Variants in PDZD2 observed in about 807,000 individuals in gnomAD.
The protein encoded by PDZD2 is PDZ domain containing 2.
A neutral mutation model predicts 220.7 loss-of-function variants in PDZD2; 90 were observed. The ratio of observed to expected loss-of-function variants is 0.41; its 90% CI spans 0.34 to 0.49. PDZD2 has a LOEUF of 0.49. Ranked by LOEUF, PDZD2 falls within the 20% of genes least tolerant of loss-of-function variation. The pLI is 0.28. For missense variants in PDZD2, 3,174 were observed against 3,608.5 expected, an observed-to-expected ratio of 0.88 and a Z score of 3.08; for synonymous variants, 1,375 against 1,450.5, an observed-to-expected ratio of 0.95 and a Z score of 1.18.
In PDZD2 at chr5:31,829,316, A is replaced by C. The variant is rs146388531; in HGVS notation, c.476+29592A>C. Among the ~76,000 whole-genome samples the C allele has an allele frequency of 8.1e-3, 1,206 of 149,134 alleles. 17 individuals are homozygous for C. Among genetic ancestry groups the C allele is most frequent in the African/African-American group, 0.027 (1,092 of 40,618 alleles). On this transcript the variant is annotated intron_variant, in intron 2 of 24. Coordinates refer to ENST00000438447, the MANE Select transcript of PDZD2 (RefSeq NM_178140.4). ...GATATACGTAAAGGCACATATCAAA[A>C]GTATTCAGCTTAGTGAATTTTTTTT...
intron 1 of PDZD2, among the ~76,000 whole-genome samples, chr5:31,706,071 CA>C (rs1747809392): frequency 6.6e-6 from 1 of 152,072 alleles, no homozygotes. Context: ...ACACCACCAC[CA>C]AAAATCCTCT....
intron 1 of PDZD2, among the ~76,000 whole-genome samples, chr5:31,795,764 G>T (rs927960572): frequency 1.3e-5 from 2 of 152,114 alleles, no homozygotes; most frequent in Non-Finnish European, 2.9e-5. Context: ...AAATCATCGC[G>T]AGTGGATATT....
At chr5:31,921,085 A>T (rs1331332700) in intron 2 of PDZD2, among the ~76,000 whole-genome samples, 2 of 152,020 alleles carry the variant, frequency 1.3e-5, no homozygotes, top group African/African-American at 4.8e-5. Context: ...CTGTGTGCTC[A>T]CTGTCTTTTC....
At chr5:32,106,636 T>C (rs1744790472) in intron 24 of PDZD2, 1 of 152,222 alleles carries the variant, frequency 6.6e-6, no homozygotes, top group South Asian at 2.1e-4. Flanking sequence ...TCAGTGTGCG[T>C]CAGGCTGTTC....
chr5:31,867,411 G>A (rs1738324955), intron 2 of PDZD2, among the ~76,000 whole-genome samples: 1 of 152,160 alleles, frequency 6.6e-6, no homozygotes, highest in South Asian at 2.1e-4. Context: ...TTAGTTAAAA[G>A]TTGTGTGGTT....
At chr5:31,908,969 C>T in intron 2 of PDZD2, 1 of 322,388 alleles carries the variant, frequency 3.1e-6, no homozygotes, top group South Asian at 3.0e-5. Context: ...ATTGCTGAAC[C>T]CGGGAGGCGG....
intron 1 of PDZD2, among the ~76,000 whole-genome samples, chr5:31,798,053 C>A (rs1754149773): frequency 1.3e-5 from 2 of 152,028 alleles, no homozygotes; most frequent in South Asian, 4.2e-4. Flanking sequence ...TAATATGTAC[C>A]AGGCACCGTG....
At chr5:31,984,570 G>A (rs1044933625) in intron 3 of PDZD2, among the ~76,000 whole-genome samples, 3 of 151,984 alleles carry the variant, frequency 2.0e-5, no homozygotes, top group South Asian at 4.1e-4. Context: ...GGCCAGGCGC[G>A]GCAGCTTGTG....
chr5:31,753,582 C>T (rs972614664), intron 1 of PDZD2, among the ~76,000 whole-genome samples: 1 of 150,906 alleles, frequency 6.6e-6, no homozygotes, highest in South Asian at 2.1e-4. Flanking sequence ...GCCTGGGCAA[C>T]AGAGTGAGAC....
chr5:31,864,947 C>G (rs1437260706), intron 2 of PDZD2, among the ~76,000 whole-genome samples: 2 of 126,488 alleles, frequency 1.6e-5, no homozygotes. Context: ...CTCCTGGGTT[C>G]ATGCTGTTCT....
chr5:32,014,718 T>C lies in PDZD2; in HGVS notation c.1407+4236T>C, dbSNP rs1240272537. Among the ~76,000 whole-genome samples, 11 of 135,576 alleles carry C rather than the reference T, an allele frequency of 8.1e-5. 1 individual carries two copies. Among genetic ancestry groups the C allele is most frequent in the East Asian group, 4.1e-4 (2 of 4,850 alleles). 88.9% of individuals were successfully genotyped at this position (135,576 alleles called of 152,430 possible). A position where few individuals can be genotyped will look rare whatever the true frequency, so the allele number is the denominator to read the frequency against. ...GCAATGACAATTTCTTTTTTTTTTT[T>C]TTTTTTTTTTTTTTTTGAGATGGAG... On this transcript the variant is annotated intron_variant, in intron 6 of 24. Coordinates refer to ENST00000438447, the MANE Select transcript of PDZD2 (RefSeq NM_178140.4).
intron 1 of PDZD2, among the ~76,000 whole-genome samples, chr5:31,745,077 AAAAT>A (rs559349013): frequency 1.3e-5 from 2 of 152,018 alleles, no homozygotes; most frequent in Non-Finnish European, 2.9e-5. Context: ...CGTCTCAAAA[AAAAT>A]AAATAAATAA....
chr5:32,007,528 C>A (rs1752927797), intron 5 of PDZD2, among the ~76,000 whole-genome samples: 1 of 152,024 alleles, frequency 6.6e-6, no homozygotes, highest in African/African-American at 2.4e-5. Context: ...TTCAAATTAT[C>A]TTCAGGTACT....
intron 1 of PDZD2, among the ~76,000 whole-genome samples, chr5:31,702,788 G>C (rs1191483218): frequency 6.6e-6 from 1 of 152,206 alleles, no homozygotes; most frequent in East Asian, 1.9e-4. Flanking sequence ...TTCCCTGGTT[G>C]ATAGTGTGTT....
At chr5:31,853,840 G>A (rs912162762) in intron 2 of PDZD2, among the ~76,000 whole-genome samples, 5 of 152,128 alleles carry the variant, frequency 3.3e-5, no homozygotes, top group African/African-American at 1.2e-4. Flanking sequence ...TGCAAGTCCC[G>A]GGAGGGAGGC....
intron 8 of PDZD2, chr5:32,052,401 C>T: frequency 2.2e-6 from 1 of 454,762 alleles, no homozygotes; most frequent in Non-Finnish European, 4.0e-6. Flanking sequence ...CTGCCTTGGC[C>T]TCCCAAAGTG....
At chr5:31,860,749 G>A (rs1203992862) in intron 2 of PDZD2, among the ~76,000 whole-genome samples, 2 of 152,176 alleles carry the variant, frequency 1.3e-5, no homozygotes, top group African/African-American at 4.8e-5. Context: ...GGATCATTAT[G>A]CTGCTGCTTC....
intron 2 of PDZD2, among the ~76,000 whole-genome samples, chr5:31,826,625 G>A (rs375597091): frequency 4.6e-5 from 7 of 150,606 alleles, no homozygotes; most frequent in Non-Finnish European, 5.9e-5. Flanking sequence ...GCAGTGAGCC[G>A]AGATCACGCC....
intron 1 of PDZD2, among the ~76,000 whole-genome samples, chr5:31,726,118 G>A (rs1749120152): frequency 6.6e-6 from 1 of 152,182 alleles, no homozygotes; most frequent in African/African-American, 2.4e-5. Flanking sequence ...TCCTGAGCCT[G>A]CCTTTCCTTA....
Sources: gnomAD v4.1 joint callset for allele counts (sites outside exome capture counted in the v4.1 genomes callset) on GRCh38, gnomAD v4.1.1 for gene constraint, MANE v1.5 for transcripts, NCBI Gene and HGNC (gene_info 2026-07-23, HGNC 2026-07-21) for gene names.